SNX5: variants seen among roughly 807,000 people sequenced by gnomAD.
SNX5 encodes the protein sorting nexin-5.
A neutral mutation model predicts 53.9 loss-of-function variants in SNX5; 31 were observed. That is an observed-to-expected ratio of 0.58 (90% CI 0.43 to 0.78). The LOEUF is 0.78. SNX5 is among the 30% of genes least tolerant of loss of function. The pLI is 0.00. For missense variants in SNX5, 471 were observed against 478.8 expected (o/e 0.98, Z 0.15); for synonymous variants, 168 against 171.1 (o/e 0.98, Z 0.14).
chr20:17,949,018 T>C (rs753625512), intron 9 of SNX5, 42 bp from the exon 10 acceptor site: 26 of 1,608,012 alleles, frequency 1.6e-5, no homozygotes, highest in Non-Finnish European at 2.2e-5. Flanking sequence ...CAGAAAGCTA[T>C]AGATTATAAA....
chr20:17,943,240 AT>A (rs1244189447), intron 11 of SNX5, 45 bp from the exon 12 acceptor site: 1 of 1,265,784 alleles, frequency 7.9e-7, no homozygotes, highest in Non-Finnish European at 1.2e-6. Context: ...AAACTAAACA[AT>A]TTTCATGTTC....
chr20:17,965,141 T>C (rs926438748), intron 1 of SNX5, among the ~76,000 whole-genome samples: 6 of 152,104 alleles, frequency 3.9e-5, no homozygotes, highest in African/African-American at 1.4e-4. Flanking sequence ...CCCACCCATA[T>C]CACACCATTT....
At chr20:17,965,360 CTAGTT>C (rs1359049804) in intron 1 of SNX5, among the ~76,000 whole-genome samples, 2 of 152,198 alleles carry the variant, frequency 1.3e-5, no homozygotes. Flanking sequence ...AACTCAACCT[CTAGTT>C]TAGATGACCA....
intron 1 of SNX5, among the ~76,000 whole-genome samples, chr20:17,963,945 T>G (rs2035497362): frequency 6.6e-6 from 1 of 152,110 alleles, no homozygotes; most frequent in African/African-American, 2.4e-5. Context: ...TCCCAAATCA[T>G]TCAGATGTAA....
In SNX5 at chr20:17,962,832, G is replaced by A. The variant is rs765202985; in HGVS notation, c.51+5543C>T. On this transcript the variant is annotated intron_variant, in intron 1 of 12. Transcript: ENST00000377759. Reference sequence around the variant, plus strand: ...AAGCAGTTCACAGTAGAACACTGCAGACTGCAGGGCATTTTCAGGCTACAT... The same window carrying A: ...AAGCAGTTCACAGTAGAACACTGCAAACTGCAGGGCATTTTCAGGCTACAT... 15 of 519,136 alleles carry A rather than the reference G, an allele frequency of 2.9e-5. No homozygotes were observed. The Admixed American group carries it at 2.9e-4, about 10-fold the overall frequency. 32.2% of individuals were successfully genotyped at this position (519,136 alleles called of 1,614,324 possible).
At chr20:17,959,605 A>G (rs947398268) in intron 1 of SNX5, among the ~76,000 whole-genome samples, 8 of 152,242 alleles carry the variant, frequency 5.3e-5, no homozygotes, top group Admixed American at 2.6e-4. Flanking sequence ...ACTGTCTAAA[A>G]GAGAGTATTG....
intron 1 of SNX5, among the ~76,000 whole-genome samples, chr20:17,960,747 A>G (rs994054703): frequency 2.0e-5 from 3 of 149,984 alleles, no homozygotes; most frequent in African/African-American, 7.4e-5. Context: ...ACTGCACTTC[A>G]GCCTGGGCAA....
chr20:17,956,688 A>G lies in SNX5; in HGVS notation c.156+245T>C, dbSNP rs1352687485. On this transcript the variant is annotated intron_variant, in intron 2 of 12. Transcript: ENST00000377759. ...AGACTGTCTCCAAAAAAAAAAAAAA[A>G]AAAAAAAAAAAAAAAACAAAAAAAC... 1.0e-4 allele frequency among the ~76,000 whole-genome samples: 15 copies of G among 143,814 alleles called. No homozygotes were observed. The East Asian group carries it at 3.1e-3, about 29-fold the overall frequency. The allele number at this position is 143,814 out of a possible 152,430, so 94.3% of individuals were successfully genotyped here.
intron 2 of SNX5, 23 bp from the exon 3 acceptor site, chr20:17,955,498 A>C (rs2035338223): frequency 1.9e-6 from 3 of 1,542,524 alleles, no homozygotes; most frequent in Non-Finnish European, 2.7e-6. Context: ...AAAGAAGTTA[A>C]CTGGTAACCA....
rs763292372 is a variant in SNX5 at position 17,955,346 on chromosome 20, G to C, written c.267+19C>G. 1 of 1,563,882 alleles carries C rather than the reference G, an allele frequency of 6.4e-7. No homozygotes were observed. The highest frequency in any genetic ancestry group is 8.8e-7 in the Non-Finnish European group (1 of 1,137,158). On this transcript the variant is annotated intron_variant, in intron 3 of 12. Coordinates refer to ENST00000377759, the MANE Select transcript of SNX5 (RefSeq NM_014426.4). ...CAAGGCAGAAAGAACTAGCTTATTT[G>C]ATTTTCTAAAAGACTCACAATAAGC... is the stretch of plus-strand genomic sequence containing the variant.
At chr20:17,956,877 G>C (rs2035370151) in intron 2 of SNX5, 56 bp downstream of exon 2, 1 of 897,152 alleles carries the variant, frequency 1.1e-6, no homozygotes, top group African/African-American at 1.6e-5. Flanking sequence ...CACATCCACT[G>C]TGAATAACAA....
Position 17,950,169 on chromosome 20 carries a change from G to C in SNX5, c.754C>G (p.His252Asp). 6.2e-7 allele frequency: 1 copy of C among 1,614,186 alleles called. No homozygotes were observed. The highest frequency in any genetic ancestry group is 1.3e-5 in the African/African-American group (1 of 75,042). Residue 252 changes from histidine (H) to aspartate (D), a missense_variant, in exon 8 of 13, where the codon CAT (histidine) becomes GAT (aspartate). Coordinates refer to ENST00000377759, the MANE Select transcript of SNX5 (RefSeq NM_014426.4). ...GTGGGCTCTTCTAAAGCCAGGCTAT[G>C]TAAGCAGGCTGCGGTGTGGATATAG... is the stretch of plus-strand genomic sequence containing the variant. ...DDYIHTAACL[H>D]SLALEEPTVI...
intron 4 of SNX5, 62 bp downstream of exon 4, chr20:17,953,934 T>C: frequency 2.8e-6 from 4 of 1,404,730 alleles, no homozygotes; most frequent in South Asian, 2.4e-5. Context: ...CTACTTATTT[T>C]TGTACACAGC....
intron 4 of SNX5, among the ~76,000 whole-genome samples, chr20:17,953,030 T>C (rs974474077): frequency 6.6e-6 from 1 of 152,228 alleles, no homozygotes. Context: ...GAGAACCCTT[T>C]AACTGCAGCC....
chr20:17,962,309 ATACTCCTGCCTCAGCCTCCTGAG>A (rs1398553799), intron 1 of SNX5: 1 of 178,162 alleles, frequency 5.6e-6, no homozygotes, highest in Non-Finnish European at 1.2e-5. Context: ...ATTCTCCCAG[ATACTCCTGCCTCAGCCTCCTGAG>A]TAGCTGGGAT....
In SNX5 at chr20:17,948,942, A is replaced by G; in HGVS notation, c.866T>C (p.Leu289Ser). Residue 289 changes from leucine to serine, a missense_variant, in exon 10 of 13, where the codon TTG becomes TCG. By Grantham distance (145) the Leu-to-Ser change is moderately radical. Coordinates refer to ENST00000377759, the MANE Select transcript of SNX5 (RefSeq NM_014426.4). Reference sequence around the variant, plus strand: ...GTATCGGAGGAGCTCTGTTAGCTTCAAATCTTCATCTGATGAAACTCGACC... The same window carrying G: ...GTATCGGAGGAGCTCTGTTAGCTTCGAATCTTCATCTGATGAAACTCGACC... ...VEGRVSSDED[L>S]KLTELLRYYM... The G allele has an allele frequency of 6.2e-7, 1 of 1,612,478 alleles. No homozygotes were observed. The highest frequency in any genetic ancestry group is 8.5e-7 in the Non-Finnish European group (1 of 1,179,908).
At chr20:17,956,582 G>A (rs2035358816) in intron 2 of SNX5, among the ~76,000 whole-genome samples, 1 of 149,198 alleles carries the variant, frequency 6.7e-6, no homozygotes, top group African/African-American at 2.5e-5. Flanking sequence ...GGCTGAGGCA[G>A]GAGAATTGCT....
intron 9 of SNX5, 29 bp downstream of exon 9, chr20:17,949,035 A>G (rs1437155822): frequency 1.2e-6 from 2 of 1,609,128 alleles, no homozygotes; most frequent in East Asian, 4.5e-5. Flanking sequence ...TAAAATATAT[A>G]TTATGAAGAC....
Position 17,942,427 on chromosome 20 carries a change from G to A in SNX5, c.1165-20C>T, listed in dbSNP as rs1322916655. On this transcript the variant is annotated intron_variant, in intron 12 of 12. Coordinates refer to ENST00000377759, the MANE Select transcript of SNX5 (RefSeq NM_014426.4). Reference sequence around the variant, plus strand: ...ATTGTTCTGTGGGGAAAAAAGGCAAGGCAGACCAGTGAATTATTAAAACTT... The same window carrying A: ...ATTGTTCTGTGGGGAAAAAAGGCAAAGCAGACCAGTGAATTATTAAAACTT... 2 of 1,597,220 alleles carry A rather than the reference G, an allele frequency of 1.3e-6. No homozygotes were observed. The highest frequency in any genetic ancestry group is 3.3e-5 in the Admixed American group (2 of 59,990).
Sources: allele counts gnomAD v4.1 joint callset (sites outside exome capture counted in the v4.1 genomes callset), GRCh38; gene constraint gnomAD v4.1.1; transcripts MANE v1.5; gene names NCBI Gene and HGNC (gene_info 2026-07-23, HGNC 2026-07-21).